CHN2: variants seen among roughly 807,000 people sequenced by gnomAD.
The protein encoded by CHN2 is chimerin 2, also known as beta-chimaerin.
In CHN2, 35 loss-of-function variants were observed where a neutral mutation model predicts 56.3. The observed-to-expected ratio is 0.62, with a 90% CI of 0.47 to 0.82. CHN2 has a LOEUF of 0.82. CHN2 is among the 40% of genes least tolerant of loss of function. The pLI is 0.00. For missense variants in CHN2, 491 were observed against 580.5 expected, an observed-to-expected ratio of 0.85 and a Z score of 1.58; for synonymous variants, 210 against 212.8, an observed-to-expected ratio of 0.99 and a Z score of 0.12.
intron 4 of CHN2, among the ~76,000 whole-genome samples, chr7:29,395,283 G>C (rs1461116307): frequency 6.6e-6 from 1 of 152,198 alleles, no homozygotes; most frequent in East Asian, 1.9e-4. Context: ...AGCACTTTGG[G>C]AGGCCAGGGA....
chr7:29,396,733 TGCCAACCCACCC>T (rs1262253881), intron 4 of CHN2: 2 of 25,158 alleles, frequency 7.9e-5, no homozygotes, highest in South Asian at 1.3e-3. Flanking sequence ...CCACACTCAC[TGCCAACCCACCC>T]GCCAACCCAT....
rs893068686 is a variant in CHN2, at chr7:29,213,327, G to A, written c.49+18337G>A. The A allele has an allele frequency of 5.7e-6, 4 of 707,580 alleles. No individual in the cohort carries two copies. In the African/African-American group the frequency reaches 6.9e-5, roughly 12 times the overall value. 43.8% of individuals were successfully genotyped at this position (707,580 alleles called of 1,614,324 possible). On this transcript the variant is annotated intron_variant, in intron 1 of 12. Coordinates refer to ENST00000222792, the MANE Select transcript of CHN2 (RefSeq NM_004067.4). ...TTCTTGTATGGAAACCATGTGTTCT[G>A]GCTTCCATTATGCCTATCCAGTCAA...
chr7:29,149,887 T>C (rs189819041), intron 2 of CHN2, among the ~76,000 whole-genome samples: 1 of 152,314 alleles, frequency 6.6e-6, no homozygotes, highest in Admixed American at 6.5e-5. Flanking sequence ...ACCAATGACA[T>C]TGGATTAGGG....
intron 6 of CHN2, among the ~76,000 whole-genome samples, chr7:29,419,806 G>A (rs564613288): frequency 3.0e-4 from 45 of 152,146 alleles, no homozygotes; most frequent in South Asian, 2.9e-3. Flanking sequence ...CACACCGGCC[G>A]GGTGCAGTGG....
chr7:29,210,781 G>C (rs1470774659), intron 1 of CHN2, among the ~76,000 whole-genome samples: 1 of 152,080 alleles, frequency 6.6e-6, no homozygotes, highest in East Asian at 1.9e-4. Flanking sequence ...GGTGACACTT[G>C]ATGGTGAGGG....
intron 6 of CHN2, among the ~76,000 whole-genome samples, chr7:29,414,190 A>G (rs549919703): frequency 1.3e-5 from 2 of 152,236 alleles, no homozygotes; most frequent in East Asian, 3.9e-4. Context: ...GATGAGAGGA[A>G]ACTGAAATTG....
At chr7:29,378,231 C>A (rs1486544178) in intron 3 of CHN2, among the ~76,000 whole-genome samples, 1 of 152,212 alleles carries the variant, frequency 6.6e-6, no homozygotes, top group Non-Finnish European at 1.5e-5. Flanking sequence ...ATTGTGATTT[C>A]TTAAGTTGGC....
At chr7:29,263,060 G>A (rs1789700052) in intron 1 of CHN2, among the ~76,000 whole-genome samples, 1 of 152,070 alleles carries the variant, frequency 6.6e-6, no homozygotes, top group Admixed American at 6.5e-5. Context: ...CCCTTTGCAT[G>A]GTCTCCCTCT....
chr7:29,416,965 T>C (rs1485750259), intron 6 of CHN2, among the ~76,000 whole-genome samples: 2 of 152,150 alleles, frequency 1.3e-5, no homozygotes, highest in African/African-American at 2.4e-5. Context: ...GCACAGTGGT[T>C]AGAGCGTGGG....
intron 10 of CHN2, 26 bp from the exon 11 acceptor site, chr7:29,507,202 G>A (rs1256173150): frequency 6.3e-7 from 1 of 1,591,470 alleles, no homozygotes; most frequent in South Asian, 1.2e-5. Context: ...TCCTAATTAG[G>A]ACTTGGATCA....
At chr7:29,315,669 G>A (rs1287126913) in intron 1 of CHN2, among the ~76,000 whole-genome samples, 5 of 152,102 alleles carry the variant, frequency 3.3e-5, no homozygotes, top group African/African-American at 7.2e-5. Context: ...TATCATAAAC[G>A]ATTCATTTTT....
chr7:29,230,269 A>G (rs941444414), intron 1 of CHN2, among the ~76,000 whole-genome samples: 12 of 152,222 alleles, frequency 7.9e-5, no homozygotes, highest in African/African-American at 2.7e-4. Context: ...CGCACATGGT[A>G]TTGTCTTACT....
chr7:29,179,266 C>T (rs1482147154), intron 2 of CHN2, among the ~76,000 whole-genome samples: 1 of 152,196 alleles, frequency 6.6e-6, no homozygotes, highest in Non-Finnish European at 1.5e-5. Context: ...GCATGGGATG[C>T]CATCCTTAAG....
intron 1 of CHN2, among the ~76,000 whole-genome samples, chr7:29,205,077 C>T (rs982650249): frequency 1.1e-4 from 16 of 152,156 alleles, no homozygotes; most frequent in African/African-American, 2.4e-5. Flanking sequence ...GGAGGAAATG[C>T]CCTGCAGACA....
At chr7:29,257,800 G>A (rs1789193507) in intron 1 of CHN2, among the ~76,000 whole-genome samples, 1 of 151,942 alleles carries the variant, frequency 6.6e-6, no homozygotes, top group African/African-American at 2.4e-5. Context: ...TTTTGTTTTT[G>A]TTTTTGAGAC....
At chr7:29,248,481 G>A (rs1788244139) in intron 1 of CHN2, among the ~76,000 whole-genome samples, 1 of 152,208 alleles carries the variant, frequency 6.6e-6, no homozygotes, top group South Asian at 2.1e-4. Flanking sequence ...GGATGGCCAT[G>A]ATCAACCTGC....
intron 2 of CHN2, among the ~76,000 whole-genome samples, chr7:29,156,915 T>A (rs1794453166): frequency 6.6e-6 from 1 of 152,212 alleles, no homozygotes; most frequent in South Asian, 2.1e-4. Flanking sequence ...GTGATACATC[T>A]AATTTTAACA....
chr7:29,214,387 A>G (rs752930415), intron 1 of CHN2, among the ~76,000 whole-genome samples: 7 of 152,062 alleles, frequency 4.6e-5, no homozygotes, highest in Non-Finnish European at 8.8e-5. Context: ...TTTTATCCAT[A>G]TGTTATAACC....
intron 1 of CHN2, among the ~76,000 whole-genome samples, chr7:29,344,036 C>T (rs1797245045): frequency 6.6e-6 from 1 of 152,216 alleles, no homozygotes; most frequent in Admixed American, 6.5e-5. Flanking sequence ...AACCATTCAT[C>T]TTCCTCTGCC....
Sources: gnomAD v4.1 joint callset for allele counts (sites outside exome capture counted in the v4.1 genomes callset) on GRCh38, gnomAD v4.1.1 for gene constraint, MANE v1.5 for transcripts, NCBI Gene and HGNC (gene_info 2026-07-23, HGNC 2026-07-21) for gene names.